Variants in C1QTNF7 observed in about 807,000 individuals in gnomAD.
C1QTNF7 encodes the protein complement C1q tumor necrosis factor-related protein 7.
C1QTNF7 carries 15 observed loss-of-function variants against 19.6 expected under a neutral mutation model. That is an observed-to-expected ratio of 0.76 (90% CI 0.51 to 1.18). The LOEUF (loss-of-function observed/expected upper bound fraction) is 1.18, where lower values mean the gene tolerates loss of function less well. Ranked by LOEUF, C1QTNF7 falls within the 50% of genes most tolerant of loss-of-function variation. C1QTNF7 has a pLI of 0.00. For synonymous variants in C1QTNF7, 142 were observed against 137.5 expected (o/e 1.03, Z -0.23); for missense variants, 324 against 359.7 (o/e 0.90, Z 0.80).
upstream of C1QTNF7, among the ~76,000 whole-genome samples, chr4:15,426,444 CAATA>C (rs1324979413): frequency 2.0e-5 from 3 of 151,796 alleles, no homozygotes; most frequent in South Asian, 6.3e-4. Flanking sequence ...ACACAGATTA[CAATA>C]AATTATCTGG....
chr4:15,422,541 GC>G (rs1334615555), intron 1 of C1QTNF7, among the ~76,000 whole-genome samples: 1 of 152,008 alleles, frequency 6.6e-6, no homozygotes, highest in Non-Finnish European at 1.5e-5. Context: ...TTTCCAAATA[GC>G]TCAGTGGGTA....
intron 1 of C1QTNF7, chr4:15,374,736 A>G: frequency 1.0e-6 from 1 of 985,394 alleles, no homozygotes; most frequent in Non-Finnish European, 1.2e-6. Flanking sequence ...CTAGAGTTCA[A>G]AGACTCCAGC....
Position 15,429,614 on chromosome 4 carries a change from G to A in C1QTNF7, c.-9+1508G>A, listed in dbSNP as rs144748987. Among the ~76,000 whole-genome samples, 34 of 152,224 alleles carry A rather than the reference G, an allele frequency of 2.2e-4. No individual in the cohort carries two copies. The East Asian group carries it at 6.6e-3, about 29-fold the overall frequency. On this transcript the variant is annotated intron_variant, in intron 1 of 2. Coordinates refer to ENST00000444304, the MANE Select transcript of C1QTNF7 (RefSeq NM_031911.5). ...AGATTCCATTGTACGTGTAGACCAG[G>A]TTTTGTTTATCCATTCACCTTTCCA...
In C1QTNF7 at chr4:15,442,589, C is replaced by T; in HGVS notation, c.660C>T (p.Thr220=). 1 of 1,614,154 alleles carries T rather than the reference C, an allele frequency of 6.2e-7. No homozygotes were observed. The highest frequency in any genetic ancestry group is 8.5e-7 in the Non-Finnish European group (1 of 1,180,030). ...ACAATGGGCAATACCGGATAAAGAC[C>T]TTCGACGCCAACACAGGAAACCATG... ...LVHNGQYRIK[T]FDANTGNHDV... The change falls in exon 3 of 3, where the codon ACC becomes ACT. Residue 220 remains threonine, a synonymous_variant. Transcript: ENST00000444304.
chr4:15,368,782 T>A (rs1053483708), intron 1 of C1QTNF7, among the ~76,000 whole-genome samples: 2 of 152,232 alleles, frequency 1.3e-5, no homozygotes, highest in Non-Finnish European at 2.9e-5. Context: ...GCAGCATGAT[T>A]TATAATCCTT....
At chr4:15,342,557 A>G (rs1009584073) in intron 1 of C1QTNF7, among the ~76,000 whole-genome samples, 1 of 152,198 alleles carries the variant, frequency 6.6e-6, no homozygotes, top group African/African-American at 2.4e-5. Context: ...GAAATCAAAG[A>G]AAGCGTCCCA....
intron 1 of C1QTNF7, among the ~76,000 whole-genome samples, chr4:15,432,066 A>C (rs1712335783): frequency 6.6e-6 from 1 of 152,112 alleles, no homozygotes; most frequent in Non-Finnish European, 1.5e-5. Flanking sequence ...GGATTTAGAC[A>C]ATGCGAAGAG....
chr4:15,341,418 T>C (rs1310971338), intron 1 of C1QTNF7, among the ~76,000 whole-genome samples: 1 of 152,198 alleles, frequency 6.6e-6, no homozygotes, highest in African/African-American at 2.4e-5. Flanking sequence ...TCTAGTTACA[T>C]AAAGTGGACT....
chr4:15,400,993 C>T (rs916846068), intron 1 of C1QTNF7, among the ~76,000 whole-genome samples: 15 of 152,052 alleles, frequency 9.9e-5, no homozygotes, highest in Non-Finnish European at 2.1e-4. Flanking sequence ...CTAGCCAGGC[C>T]TAATTTTAGA....
intron 1 of C1QTNF7, among the ~76,000 whole-genome samples, chr4:15,408,293 A>G (rs1719271553): frequency 6.6e-6 from 1 of 151,530 alleles, no homozygotes; most frequent in African/African-American, 2.4e-5. Context: ...AAAAAAAAAA[A>G]AAAAAGTTTG....
intron 1 of C1QTNF7, among the ~76,000 whole-genome samples, chr4:15,391,661 A>G (rs1427948873): frequency 6.6e-6 from 1 of 152,210 alleles, no homozygotes; most frequent in Non-Finnish European, 1.5e-5. Flanking sequence ...ACTTGTTATT[A>G]ACGTGTTTGT....
chr4:15,395,439 G>A (rs1315513660), intron 1 of C1QTNF7, among the ~76,000 whole-genome samples: 10 of 152,184 alleles, frequency 6.6e-5, no homozygotes, highest in Admixed American at 6.5e-4. Context: ...CCAGTCAAAT[G>A]CCAGAGCATC....
intron 1 of C1QTNF7, among the ~76,000 whole-genome samples, chr4:15,408,200 G>A (rs1577263511): frequency 6.6e-6 from 1 of 150,666 alleles, no homozygotes; most frequent in South Asian, 2.1e-4. Context: ...TTGAACCCAG[G>A]GGTGGAGGTT....
exon 1 of C1QTNF7, chr4:15,340,098 C>A (rs1716487055): frequency 7.4e-7 from 1 of 1,359,534 alleles, no homozygotes; most frequent in Non-Finnish European, 1.0e-6. Context: ...GAATAATAAA[C>A]ACATATTTCT....
intron 1 of C1QTNF7, among the ~76,000 whole-genome samples, chr4:15,406,380 A>G (rs941790063): frequency 3.9e-5 from 6 of 152,208 alleles, no homozygotes; most frequent in Admixed American, 3.9e-4. Flanking sequence ...GTAGAAGCAC[A>G]CTGAGGACAC....
At chr4:15,392,640 A>G (rs2430318) in intron 1 of C1QTNF7, among the ~76,000 whole-genome samples, 75,890 of 152,162 alleles carry the variant, frequency 0.5, 20,863 homozygotes, top group African/African-American at 0.73. Flanking sequence ...TCTCTCAGGC[A>G]CCGGCAGAAG....
chr4:15,417,332 C>T (rs888203846), intron 1 of C1QTNF7, among the ~76,000 whole-genome samples: 7 of 152,232 alleles, frequency 4.6e-5, no homozygotes, highest in African/African-American at 1.7e-4. Context: ...TCTCACTCCC[C>T]TGAGCCCTTG....
intron 1 of C1QTNF7, among the ~76,000 whole-genome samples, chr4:15,390,197 C>G (rs1718502587): frequency 6.6e-6 from 1 of 152,134 alleles, no homozygotes; most frequent in Non-Finnish European, 1.5e-5. Flanking sequence ...TAGGGGAGTC[C>G]TCCAGGAAGG....
chr4:15,343,849 A>G (rs959554211), intron 1 of C1QTNF7, among the ~76,000 whole-genome samples: 1 of 152,248 alleles, frequency 6.6e-6, no homozygotes. Flanking sequence ...CCAGGTCACA[A>G]GGTGGGTGTA....
Sources: gnomAD v4.1 joint callset for allele counts (sites outside exome capture counted in the v4.1 genomes callset) on GRCh38, gnomAD v4.1.1 for gene constraint, MANE v1.5 for transcripts, NCBI Gene and HGNC (gene_info 2026-07-23, HGNC 2026-07-21) for gene names.